FBXW9: variants seen among roughly 807,000 people sequenced by gnomAD.
FBXW9 encodes F-box and WD repeat domain containing 9.
In FBXW9, 38 loss-of-function variants were observed where a neutral mutation model predicts 55.8. The ratio of observed to expected loss-of-function variants is 0.68; its 90% confidence interval spans 0.53 to 0.89. The LOEUF (loss-of-function observed/expected upper bound fraction) is 0.89, where lower values mean the gene tolerates loss of function less well. Ranked by LOEUF, FBXW9 falls within the 40% of genes least tolerant of loss-of-function variation. The pLI is 0.00. For synonymous variants in FBXW9, 289 were observed against 278.2 expected (o/e 1.04, Z -0.38); for missense variants, 590 against 619.4 (o/e 0.95, Z 0.50).
rs1283212801 is a variant in FBXW9, at chr19:12,689,746, G to C, written c.1146+15C>G. On this transcript the variant is annotated intron_variant, in intron 7 of 9. Transcript: ENST00000393261. This position sits in a 1 kb window ranked among gnomAD's most constrained non-coding sequence, Gnocchi z 5.9. Reference sequence around the variant, plus strand: ...CCGGGGGGAGGGACAGTCAGGGGCAGGAGCTCCAGCAGACCCGGATAAGCT... The same window carrying C: ...CCGGGGGGAGGGACAGTCAGGGGCACGAGCTCCAGCAGACCCGGATAAGCT... The C allele has an allele frequency of 6.2e-7, 1 of 1,612,936 alleles. No individual in the cohort carries two copies. The highest frequency in any genetic ancestry group is 2.2e-5 in the East Asian group (1 of 44,864).
At chr19:12,693,381 G>A (rs2025028711) in intron 3 of FBXW9, among the ~76,000 whole-genome samples, 1 of 151,000 alleles carries the variant, frequency 6.6e-6, no homozygotes, top group Admixed American at 6.6e-5. Flanking sequence ...GAGCTTGGCT[G>A]GGCACCGTGG....
At chr19:12,693,729 T>TA (rs985939316) in intron 3 of FBXW9, among the ~76,000 whole-genome samples, 86 of 134,878 alleles carry the variant, frequency 6.4e-4, no homozygotes, top group East Asian at 2.4e-3. Flanking sequence ...GAGATTCCAT[T>TA]AAAAAAAAAA....
At position 12,694,885 on chromosome 19, in the gene FBXW9, G is replaced by T. The variant is rs866936566; in HGVS notation, c.463C>A (p.Arg155Ser). Reference sequence around the variant, plus strand: ...ACCCAGCGCCCATCCTCTGCCCAGCGGGACAGGTGCTGCTCCAGCGCAATG... The same window carrying T: ...ACCCAGCGCCCATCCTCTGCCCAGCTGGACAGGTGCTGCTCCAGCGCAATG... ...ACIALEQHLS[R>S]WAEDGRWVEY... is the part of the protein sequence containing the mutation. The change falls in exon 2 of 10, where the codon CGC becomes AGC. Residue 155 changes from arginine to serine, a missense_variant. Physicochemically the swap from Arg to Ser is moderately radical, Grantham distance 110. Transcript: ENST00000393261. 1.2e-6 allele frequency: 2 copies of T among 1,614,052 alleles called. No individual in the cohort carries two copies. The highest frequency in any genetic ancestry group is 8.5e-7 in the Non-Finnish European group (1 of 1,180,040).
chr19:12,691,265 C>T lies in FBXW9; in HGVS notation c.792-8G>A. On this transcript the variant is annotated splice_polypyrimidine_tract_variant and splice_region_variant and intron_variant, in intron 4 of 9. Coordinates refer to ENST00000393261, the MANE Select transcript of FBXW9 (RefSeq NM_032301.3). ...AGCACGGCTGAGCTGGCCCTAGGGA[C>T]ACACAGACCACAGGGCTTTGGCTGT... 1.2e-6 allele frequency: 2 copies of T among 1,614,130 alleles called. No individual in the cohort carries two copies. Among genetic ancestry groups the T allele is most frequent in the Non-Finnish European group, 1.7e-6 (2 of 1,179,964 alleles).
At position 12,691,152 on chromosome 19, in the gene FBXW9, G is replaced by T; in HGVS notation, c.883+14C>A. 2 of 1,611,520 alleles carry T rather than the reference G, an allele frequency of 1.2e-6. No homozygotes were observed. The highest frequency in any genetic ancestry group is 1.7e-6 in the Non-Finnish European group (2 of 1,177,706). On this transcript the variant is annotated intron_variant, in intron 5 of 9. Transcript: ENST00000393261. The stretch of plus-strand genomic sequence containing the variant: ...TGACATCTCCCAACCTGGGCCCCAG[G>T]ACCCTTGGCCCACCTCTGGGGTCGT...
Position 12,689,162 on chromosome 19 carries a change from CAG to C in FBXW9, c.*52_*53del. On this transcript the variant is annotated 3_prime_UTR_variant, in exon 10 of 10. Transcript: ENST00000393261. The surrounding 1 kb of genome is among the most constrained non-coding windows in gnomAD (Gnocchi z 5.9). ...AACATTGGGGATGGTCCCCCAAGAA[CAG>C]AGGAGGAAGCCCAGCCTCCGGCAGG... 7.3e-7 allele frequency: 1 copy of C among 1,361,636 alleles called. No homozygotes were observed. The allele number at this position is 1,361,636 out of a possible 1,614,324, so 84.3% of individuals were successfully genotyped here.
chr19:12,690,001 C>T lies in FBXW9; in HGVS notation c.993G>A (p.Val331=). 6.2e-7 allele frequency: 1 copy of T among 1,614,018 alleles called. No homozygotes were observed. The highest frequency in any genetic ancestry group is 8.5e-7 in the Non-Finnish European group (1 of 1,180,020). The change falls in exon 6 of 10, where the codon GTG becomes GTA. Residue 331 remains valine, a synonymous_variant. Coordinates refer to ENST00000393261, the MANE Select transcript of FBXW9 (RefSeq NM_032301.3). ...GGACGCTGTTGGCTCGGCGGTCCAC[C>T]ACCACCAGGGTGTGGTCCTCGCTGC... The part of the protein sequence containing the change: ...ISGSEDHTLV[V]VDRRANSVLQ...
At position 12,689,649 on chromosome 19, in the gene FBXW9, G is replaced by C. The variant is rs1339172055; in HGVS notation, c.1147-19C>G. ...CAAAGGACTGCAGGAGGAGGATCAG[G>C]CAACACTCAGTCGAGGCTCTCCCAA... On this transcript the variant is annotated intron_variant, in intron 7 of 9. Transcript: ENST00000393261. This position sits in a 1 kb window ranked among gnomAD's most constrained non-coding sequence, Gnocchi z 5.9. 2 of 1,613,276 alleles carry C rather than the reference G, an allele frequency of 1.2e-6. No individual in the cohort carries two copies. Among genetic ancestry groups the C allele is most frequent in the Non-Finnish European group, 1.7e-6 (2 of 1,179,342 alleles).
rs950833948 is a variant in FBXW9, at chr19:12,696,451, C to T, written c.131G>A (p.Gly44Glu). Reference sequence around the variant, plus strand: ...CTGCGAGGGGCGCGAGAACGCCAGCCCGGATTTTGGCGGACTGAGAACGCG... The same window carrying T: ...CTGCGAGGGGCGCGAGAACGCCAGCTCGGATTTTGGCGGACTGAGAACGCG... Reference protein sequence around the residue: ...VARVLSPPKSGLAFSRPSQLS... With the variant: ...VARVLSPPKSELAFSRPSQLS... Residue 44 changes from glycine to glutamate, a missense_variant, in exon 1 of 10, where the codon GGG (glycine) becomes GAG (glutamate). Physicochemically the swap from Gly to Glu is moderately conservative, Grantham distance 98 (BLOSUM62 -2). Transcript: ENST00000393261. The T allele has an allele frequency of 6.2e-7, 1 of 1,612,544 alleles. No homozygotes were observed. The highest frequency in any genetic ancestry group is 1.3e-5 in the African/African-American group (1 of 75,058).
Position 12,691,189 on chromosome 19 carries a change from T to G in FBXW9, c.860A>C (p.Lys287Thr). 1 of 1,614,180 alleles carries G rather than the reference T, an allele frequency of 6.2e-7. No homozygotes were observed. The highest frequency in any genetic ancestry group is 1.1e-5 in the South Asian group (1 of 91,084). ...ACCTCTGGGGTCGTAGATGGTCACC[T>G]TCTTGTCATAGGTGCCAGTCACCAG... ...DILVTGTYDK[K>T]VTIYDPRAGP... Residue 287 changes from lysine (K) to threonine (T), a missense_variant, in exon 5 of 10, where the codon AAG becomes ACG. Lys to Thr is a moderately conservative substitution (Grantham distance 78). Transcript: ENST00000393261.
chr19:12,691,071 TTAAG>T, intron 5 of FBXW9, 91 bp downstream of exon 5: 1 of 1,092,734 alleles, frequency 9.2e-7, no homozygotes, highest in Non-Finnish European at 1.4e-6. Context: ...GAGTATTTGG[TTAAG>T]TGACTATGAC....
rs989261905 is a variant in FBXW9 at position 12,696,379 on chromosome 19, G to A, written c.203C>T (p.Ala68Val). 6.2e-7 allele frequency: 1 copy of A among 1,610,558 alleles called. No individual in the cohort carries two copies. The highest frequency in any genetic ancestry group is 8.5e-7 in the Non-Finnish European group (1 of 1,179,038). The change falls in exon 1 of 10, where the codon GCG (alanine) becomes GTG (valine). Residue 68 changes from alanine to valine, a missense_variant. Transcript: ENST00000393261. Reference protein sequence around the residue: ...ASPSASEPRAASRVSAVSEPG... With the variant: ...ASPSASEPRAVSRVSAVSEPG... Reference sequence around the variant, plus strand: ...CTCACTTACGGCCGAAACCCTGGACGCGGCCCGAGGCTCCGAAGCGCTCGG... The same window carrying A: ...CTCACTTACGGCCGAAACCCTGGACACGGCCCGAGGCTCCGAAGCGCTCGG...
chr19:12,690,179 G>C (rs770067174), intron 5 of FBXW9, 69 bp from the exon 6 acceptor site: 15 of 1,604,244 alleles, frequency 9.4e-6, no homozygotes. Flanking sequence ...GCCCATGAGA[G>C]CATCCCGGGT....
At position 12,696,303 on chromosome 19, in the gene FBXW9, G is replaced by GT. The variant is rs1319094797; in HGVS notation, c.278dup (p.Tyr93Ter). The GT allele has an allele frequency of 6.3e-7, 1 of 1,581,056 alleles. No individual in the cohort carries two copies. Among genetic ancestry groups the GT allele is most frequent in the South Asian group, 1.1e-5 (1 of 87,546 alleles). Reference protein sequence around the residue: ...PPELLLEICSYLDARLVLHVL... With the variant: ...PPELLLEICS ...CGTGGAGCACGAGGCGGGCGTCCAG[G>GT]TAGGAGCAGATCTCGAGCAGCAGCT... Residue 93 changes from tyrosine (Y) to a stop codon, truncating the protein, a stop_gained and frameshift_variant, in exon 1 of 10, where the codon TAC (tyrosine) becomes TAAC (stop). Coordinates refer to ENST00000393261, the MANE Select transcript of FBXW9 (RefSeq NM_032301.3). LOFTEE classifies it high-confidence loss of function.
At chr19:12,692,413 C>T (rs1215101589) in intron 3 of FBXW9, among the ~76,000 whole-genome samples, 1 of 150,724 alleles carries the variant, frequency 6.6e-6, no homozygotes, top group Non-Finnish European at 1.5e-5. Context: ...TTTAGTAGAG[C>T]CGGGGTTTCT....
rs746494722 is a variant in FBXW9, at chr19:12,694,681, G to A, written c.591C>T (p.Val197=). 2 of 1,614,204 alleles carry A rather than the reference G, an allele frequency of 1.2e-6. No homozygotes were observed. The highest frequency in any genetic ancestry group is 2.2e-5 in the South Asian group (2 of 91,092). Residue 197 remains valine (V), a synonymous_variant, in exon 3 of 10, where the codon GTC becomes GTT. Coordinates refer to ENST00000393261, the MANE Select transcript of FBXW9 (RefSeq NM_032301.3). ...CCAGCTGCCGCAGGTCCCACAAGTT[G>A]ACGTTGCGATCTCGGGAGCCCGACA... is the stretch of plus-strand genomic sequence containing the variant. ...LCLSGSRDRN[V]NLWDLRQLGT...
rs1218928146 is a variant in FBXW9 at position 12,688,921 on chromosome 19, G to C, written c.*295C>G. ...AACCACACTCACACTCCAGGCCCAA[G>C]CACCAACATGTCAGGTTTATTTCTC... On this transcript the variant is annotated 3_prime_UTR_variant, in exon 10 of 10. Coordinates refer to ENST00000393261, the MANE Select transcript of FBXW9 (RefSeq NM_032301.3). 1.8e-6 allele frequency: 1 copy of C among 566,970 alleles called. No individual in the cohort carries two copies. Among genetic ancestry groups the C allele is most frequent in the Non-Finnish European group, 3.3e-6 (1 of 302,630 alleles). The allele number at this position is 566,970 out of a possible 1,614,324, so 35.1% of individuals were successfully genotyped here.
Position 12,689,892 on chromosome 19 carries a change from G to C in FBXW9, c.1033-18C>G. ...GAGTCCAGCTACGAGAGGGACAAGG[G>C]ACGGGACAGCTCAGGCCGGGCTGGG... On this transcript the variant is annotated intron_variant, in intron 6 of 9. Transcript: ENST00000393261. The surrounding 1 kb of genome is among the most constrained non-coding windows in gnomAD (Gnocchi z 5.9). 6.2e-7 allele frequency: 1 copy of C among 1,613,460 alleles called. No individual in the cohort carries two copies. The highest frequency in any genetic ancestry group is 1.3e-5 in the African/African-American group (1 of 75,036).
In FBXW9 at chr19:12,694,826, A is replaced by G; in HGVS notation, c.522T>C (p.Ala174=). 6.2e-7 allele frequency: 1 copy of G among 1,614,142 alleles called. No individual in the cohort carries two copies. Among genetic ancestry groups the G allele is most frequent in the South Asian group, 1.1e-5 (1 of 91,090 alleles). ...GGAGCAGCAGCACTGAGTCAACGGAAGCCACGTGGCCTTCGGCCAGGCAGA... is the reference window on the plus strand; with the variant it reads ...GGAGCAGCAGCACTGAGTCAACGGAGGCCACGTGGCCTTCGGCCAGGCAGA... ...EYFCLAEGHV[A]SVDSVLLLQG... Residue 174 remains alanine, a synonymous_variant, in exon 2 of 10, where the codon GCT becomes GCC. Transcript: ENST00000393261.
Sources: allele counts gnomAD v4.1 joint callset (sites outside exome capture counted in the v4.1 genomes callset), GRCh38; gene constraint gnomAD v4.1.1; non-coding constraint Gnocchi (gnomAD v3.1); transcripts MANE v1.5; gene names NCBI Gene and HGNC (gene_info 2026-07-23, HGNC 2026-07-21).